GABBR2: variants seen among roughly 807,000 people sequenced by gnomAD.
GABBR2 encodes the protein G-protein coupled receptor 51.
In GABBR2, 23 loss-of-function variants were observed where a neutral mutation model predicts 105.6. The observed-to-expected ratio is 0.22, with a 90% CI of 0.16 to 0.31. The LOEUF is 0.31. Ranked by LOEUF, GABBR2 falls within the 10% of genes least tolerant of loss-of-function variation. The probability of loss-of-function intolerance (pLI) is 1.00; values close to 1 mark genes in which losing one functional copy is unlikely to be tolerated. For missense variants in GABBR2, 734 were observed against 1,245.5 expected (o/e 0.59, Z 6.18); for synonymous variants, 478 against 499.7 (o/e 0.96, Z 0.58).
At chr9:98,658,675 C>T (rs890221686) in intron 1 of GABBR2, among the ~76,000 whole-genome samples, 1 of 152,198 alleles carries the variant, frequency 6.6e-6, no homozygotes, top group African/African-American at 2.4e-5. Flanking sequence ...GGCTTCCTCC[C>T]TAGGGCAGTG....
intron 13 of GABBR2, among the ~76,000 whole-genome samples, chr9:98,346,198 T>G (rs1203764827): frequency 6.6e-6 from 1 of 152,250 alleles, no homozygotes; most frequent in East Asian, 1.9e-4. Flanking sequence ...ATGATTTCTT[T>G]GTATCATGCA....
At chr9:98,331,694 G>A (rs919359410) in intron 13 of GABBR2, among the ~76,000 whole-genome samples, 1 of 152,116 alleles carries the variant, frequency 6.6e-6, no homozygotes. Context: ...TGAGCTCCAC[G>A]AAGTCTTCTT....
rs570933623 is a variant in GABBR2, at chr9:98,638,788, C to G, written c.322-60716G>C. On this transcript the variant is annotated intron_variant, in intron 1 of 18. Transcript: ENST00000259455. ...AAGGTAATCACCCCAGCACCTGGAC[C>G]CATTTAGATTAAGTAAATTTACTGA... Among the ~76,000 whole-genome samples, 423 of 152,244 alleles carry G rather than the reference C, an allele frequency of 2.8e-3. 1 individual carries two copies. The highest frequency in any genetic ancestry group is 4.5e-3 in the Non-Finnish European group (305 of 68,020).
chr9:98,453,029 C>CT (rs968728731), intron 7 of GABBR2, among the ~76,000 whole-genome samples: 21 of 151,654 alleles, frequency 1.4e-4, no homozygotes, highest in African/African-American at 3.6e-4. Context: ...TTTCTATGCC[C>CT]TTTTTTTTTC....
At chr9:98,606,571 C>T (rs1050389059) in intron 1 of GABBR2, among the ~76,000 whole-genome samples, 2 of 150,170 alleles carry the variant, frequency 1.3e-5, no homozygotes, top group Non-Finnish European at 2.9e-5. Context: ...ACCTCCACCT[C>T]CCAGGTTCAA....
intron 2 of GABBR2, among the ~76,000 whole-genome samples, chr9:98,558,232 G>C (rs1009930661): frequency 6.6e-6 from 1 of 152,178 alleles, no homozygotes; most frequent in African/African-American, 2.4e-5. Flanking sequence ...AAACCTTTTT[G>C]TGTATCTGAA....
In GABBR2 at chr9:98,594,769, G is replaced by A. The variant is rs533275001; in HGVS notation, c.322-16697C>T. 3.3e-5 allele frequency among the ~76,000 whole-genome samples: 5 copies of A among 152,344 alleles called. No individual in the cohort carries two copies. In the South Asian group the frequency reaches 1.0e-3, roughly 32 times the overall value. The stretch of plus-strand genomic sequence containing the variant: ...TCTGATAGGGGAGCTCACAAGCCTG[G>A]TCCTCCCTTTGTATAACAGGGAAGT... On this transcript the variant is annotated intron_variant, in intron 1 of 18. Coordinates refer to ENST00000259455, the MANE Select transcript of GABBR2 (RefSeq NM_005458.8).
rs548023924 is a variant in GABBR2, at chr9:98,420,058, C to T, written c.1237-13917G>A. Among the ~76,000 whole-genome samples the T allele has an allele frequency of 3.8e-4, 58 of 151,948 alleles. 1 individual carries two copies. In the South Asian group the frequency reaches 1.0e-2, roughly 26 times the overall value. ...CAGGAGGCTCTCCAAATCTTGGAGACGCTCTCTGGCTTGGAAGGTCTGGTA... is the reference window on the plus strand; with the variant it reads ...CAGGAGGCTCTCCAAATCTTGGAGATGCTCTCTGGCTTGGAAGGTCTGGTA... On this transcript the variant is annotated intron_variant, in intron 7 of 18. Coordinates refer to ENST00000259455, the MANE Select transcript of GABBR2 (RefSeq NM_005458.8).
chr9:98,643,209 C>T (rs547532092), intron 1 of GABBR2, among the ~76,000 whole-genome samples: 29 of 152,360 alleles, frequency 1.9e-4, no homozygotes, highest in African/African-American at 6.5e-4. Context: ...ACCAACCCTG[C>T]CAGCCACTGC....
chr9:98,301,942 C>A (rs1033739893), intron 16 of GABBR2, among the ~76,000 whole-genome samples: 1 of 152,124 alleles, frequency 6.6e-6, no homozygotes, highest in African/African-American at 2.4e-5. Flanking sequence ...TGTGAGCCCC[C>A]CAAAGGGCGG....
At chr9:98,372,641 C>T (rs1254272027) in intron 11 of GABBR2, among the ~76,000 whole-genome samples, 1 of 152,234 alleles carries the variant, frequency 6.6e-6, no homozygotes, top group Non-Finnish European at 1.5e-5. Flanking sequence ...TGCTTGGCTT[C>T]CCCAGGCCCC....
chr9:98,300,646 T>C (rs527248727), intron 16 of GABBR2, among the ~76,000 whole-genome samples: 1 of 152,334 alleles, frequency 6.6e-6, no homozygotes, highest in South Asian at 2.1e-4. Flanking sequence ...GAGTCTTTTG[T>C]TATAATGTTG....
intron 9 of GABBR2, among the ~76,000 whole-genome samples, chr9:98,390,116 T>C (rs1832152186): frequency 6.6e-6 from 1 of 152,204 alleles, no homozygotes; most frequent in African/African-American, 2.4e-5. Context: ...GGCTCATGCC[T>C]GTAATCCCAG....
At chr9:98,357,765 T>C (rs1831513836) in intron 13 of GABBR2, among the ~76,000 whole-genome samples, 1 of 152,220 alleles carries the variant, frequency 6.6e-6, no homozygotes, top group South Asian at 2.1e-4. Context: ...GCCAGAGCCT[T>C]ACAGGACCTG....
At chr9:98,596,598 G>A (rs1026805526) in intron 1 of GABBR2, among the ~76,000 whole-genome samples, 10 of 152,132 alleles carry the variant, frequency 6.6e-5, no homozygotes, top group Non-Finnish European at 1.5e-4. Context: ...GCCCTGCCAT[G>A]GAAGGAGCCG....
intron 13 of GABBR2, among the ~76,000 whole-genome samples, chr9:98,313,390 T>C (rs1830664704): frequency 6.6e-6 from 1 of 152,096 alleles, no homozygotes; most frequent in African/African-American, 2.4e-5. Context: ...TAAAAATAAA[T>C]CTGTCTGTCT....
At chr9:98,654,970 A>C (rs1264294784) in intron 1 of GABBR2, among the ~76,000 whole-genome samples, 2 of 152,250 alleles carry the variant, frequency 1.3e-5, no homozygotes, top group Non-Finnish European at 2.9e-5. Flanking sequence ...CTTTAAATGC[A>C]TGTTGAATGA....
At chr9:98,291,598 A>G (rs1003528435) in intron 18 of GABBR2, among the ~76,000 whole-genome samples, 2 of 152,220 alleles carry the variant, frequency 1.3e-5, no homozygotes, top group Non-Finnish European at 1.5e-5. Flanking sequence ...AGGAAGGGAA[A>G]AAAAGGGACA....
At chr9:98,544,639 T>C (rs1279911056) in intron 2 of GABBR2, among the ~76,000 whole-genome samples, 1 of 151,930 alleles carries the variant, frequency 6.6e-6, no homozygotes, top group African/African-American at 2.4e-5. Context: ...TGTCTGGAGG[T>C]GTGCAAGCAA....
Sources: gnomAD v4.1 joint callset for allele counts (sites outside exome capture counted in the v4.1 genomes callset) on GRCh38, gnomAD v4.1.1 for gene constraint, MANE v1.5 for transcripts, NCBI Gene and HGNC (gene_info 2026-07-23, HGNC 2026-07-21) for gene names.